PCDHGA2: variants seen among roughly 807,000 people sequenced by gnomAD.
The protein encoded by PCDHGA2 is protocadherin gamma-A2.
A neutral mutation model predicts 59.2 loss-of-function variants in PCDHGA2; 40 were observed. That is an observed-to-expected ratio of 0.68 (90% CI 0.52 to 0.88). The LOEUF (loss-of-function observed/expected upper bound fraction) is 0.88. PCDHGA2 is among the 40% of genes least tolerant of loss of function. The probability of loss-of-function intolerance (pLI) is 0.00; values close to 1 mark genes in which losing one functional copy is unlikely to be tolerated. For synonymous variants in PCDHGA2, 560 were observed against 526.0 expected, an observed-to-expected ratio of 1.06 and a Z score of -0.89; for missense variants, 1,226 against 1,204.0, an observed-to-expected ratio of 1.02 and a Z score of -0.27.
At chr5:141,422,716 G>T (rs1348237465) in intron 1 of PCDHGA2, 1 of 1,604,378 alleles carries the variant, frequency 6.2e-7, no homozygotes, top group African/African-American at 1.3e-5. Context: ...GGATGACACT[G>T]TCCAGGGGGT....
chr5:141,494,400 C>A (rs2099754045), intron 1 of PCDHGA2, among the ~76,000 whole-genome samples: 1 of 152,158 alleles, frequency 6.6e-6, no homozygotes, highest in African/African-American at 2.4e-5. Flanking sequence ...TAAATTCATT[C>A]TAGGGCTGGT....
At chr5:141,389,998 T>C (rs755639909) in intron 1 of PCDHGA2, 1 of 1,614,046 alleles carries the variant, frequency 6.2e-7, no homozygotes, top group East Asian at 2.2e-5. Context: ...CTCGTGGCCA[T>C]GATTCTGGCC....
intron 1 of PCDHGA2, chr5:141,391,145 G>A (rs1212141265): frequency 6.6e-6 from 1 of 152,000 alleles, no homozygotes; most frequent in African/African-American, 2.4e-5. Flanking sequence ...CTACCTCTAG[G>A]AAAGAAATAT....
At chr5:141,343,839 T>C (rs1302801559) in intron 1 of PCDHGA2, 3 of 508,398 alleles carry the variant, frequency 5.9e-6, no homozygotes, top group Admixed American at 7.5e-5. Flanking sequence ...ACCATTTCCT[T>C]GCTCCTAAAA....
chr5:141,378,080 AT>A (rs1360120738), intron 1 of PCDHGA2: 30 of 152,322 alleles, frequency 2.0e-4, no homozygotes, highest in African/African-American at 7.2e-4. Flanking sequence ...AAATAATTTT[AT>A]AACTTTTTTT....
At chr5:141,351,931 G>C in intron 1 of PCDHGA2, 2 of 1,613,280 alleles carry the variant, frequency 1.2e-6, no homozygotes, top group Non-Finnish European at 1.7e-6. Flanking sequence ...ATGCGCCACG[G>C]GTGCTGTACC....
intron 2 of PCDHGA2, among the ~76,000 whole-genome samples, chr5:141,501,983 C>G (rs957901405): frequency 6.6e-6 from 1 of 152,068 alleles, no homozygotes; most frequent in Non-Finnish European, 1.5e-5. Flanking sequence ...CATCTGGTCC[C>G]GTTGTCTCCC....
At chr5:141,427,966 T>C (rs1458559803) in intron 1 of PCDHGA2, 10 of 1,590,764 alleles carry the variant, frequency 6.3e-6, no homozygotes, top group African/African-American at 1.3e-5. Flanking sequence ...CCGCGGGTGC[T>C]GTACCCCGCG....
chr5:141,399,925 C>A (rs779347793), intron 1 of PCDHGA2: 3 of 1,612,364 alleles, frequency 1.9e-6, no homozygotes, highest in South Asian at 1.1e-5. Flanking sequence ...CAACGCCTGG[C>A]TGTCCTACCA....
intron 1 of PCDHGA2, chr5:141,371,507 A>G: frequency 6.2e-7 from 1 of 1,613,910 alleles, no homozygotes; most frequent in Non-Finnish European, 8.5e-7. Context: ...TGATCAAAAC[A>G]CATGATCTAG....
At chr5:141,374,879 G>A in intron 1 of PCDHGA2, 1 of 1,613,694 alleles carries the variant, frequency 6.2e-7, no homozygotes, top group Non-Finnish European at 8.5e-7. Flanking sequence ...GGCAGTGACT[G>A]CCACCGACCA....
chr5:141,419,209 G>A (rs541061354), intron 1 of PCDHGA2: 11 of 1,613,900 alleles, frequency 6.8e-6, no homozygotes, highest in South Asian at 5.5e-5. Context: ...ACAACGCGCC[G>A]GTTTTCGGAC....
At chr5:141,366,647 C>A in intron 1 of PCDHGA2, 1 of 1,614,222 alleles carries the variant, frequency 6.2e-7, no homozygotes, top group Non-Finnish European at 8.5e-7. Context: ...CTTTCCCCAG[C>A]CCAACTACGC....
At chr5:141,484,589 C>T (rs2154580160) in intron 1 of PCDHGA2, among the ~76,000 whole-genome samples, 1 of 152,074 alleles carries the variant, frequency 6.6e-6, no homozygotes, top group African/African-American at 2.4e-5. Context: ...GGAAGCTACT[C>T]ATTTAGAATA....
At position 141,469,305 on chromosome 5, in the gene PCDHGA2, G is replaced by A. The variant is rs990437808; in HGVS notation, c.2425-25502G>A. Among the ~76,000 whole-genome samples the A allele has an allele frequency of 3.9e-5, 6 of 152,192 alleles. No homozygotes were observed. The South Asian group carries it at 6.2e-4, about 16-fold the overall frequency. On this transcript the variant is annotated intron_variant, in intron 1 of 3. Transcript: ENST00000394576. ...AAATAAAACAAAATAGACTGGGCACGATGGCTCACGCCTGTAATCCCACCA... is the reference window on the plus strand; with the variant it reads ...AAATAAAACAAAATAGACTGGGCACAATGGCTCACGCCTGTAATCCCACCA...
intron 2 of PCDHGA2, among the ~76,000 whole-genome samples, chr5:141,501,536 G>A (rs570102957): frequency 5.9e-5 from 9 of 152,054 alleles, no homozygotes; most frequent in African/African-American, 2.2e-4. Context: ...GTACGTTGTT[G>A]TGCATAAGAT....
At chr5:141,375,525 T>C (rs1027901003) in intron 1 of PCDHGA2, 13 of 1,613,866 alleles carry the variant, frequency 8.1e-6, no homozygotes, top group African/African-American at 1.3e-5. Context: ...GACCCTGACG[T>C]GGACCAGAAC....
chr5:141,481,691 C>G (rs929210528), intron 1 of PCDHGA2, among the ~76,000 whole-genome samples: 3 of 152,080 alleles, frequency 2.0e-5, no homozygotes, highest in African/African-American at 4.8e-5. Context: ...TGGTGGCTCA[C>G]GCCTGTAATC....
intron 1 of PCDHGA2, among the ~76,000 whole-genome samples, chr5:141,430,411 C>T (rs879587751): frequency 3.3e-5 from 5 of 150,942 alleles, no homozygotes; most frequent in African/African-American, 1.2e-4. Flanking sequence ...ACTAAAGTTT[C>T]TATTAAAGCG....
Sources: allele counts gnomAD v4.1 joint callset (sites outside exome capture counted in the v4.1 genomes callset), GRCh38; gene constraint gnomAD v4.1.1; transcripts MANE v1.5; gene names NCBI Gene and HGNC (gene_info 2026-07-23, HGNC 2026-07-21).